Variants in AGMO observed in about 807,000 individuals in gnomAD.
AGMO encodes the protein alkylglycerol monooxygenase.
Under a neutral mutation model 60.2 loss-of-function variants are expected in AGMO, and 75 were observed. The observed-to-expected ratio is 1.25, with a 90% CI of 1.03 to 1.51. The LOEUF (loss-of-function observed/expected upper bound fraction) is 1.51, where lower values mean the gene tolerates loss of function less well. AGMO is among the 40% of genes most tolerant of loss of function. AGMO has a pLI of 0.00. For missense variants in AGMO, 763 were observed against 525.5 expected (o/e 1.45, Z -4.42); for synonymous variants, 261 against 177.1 (o/e 1.47, Z -3.76).
In AGMO at chr7:15,234,250, T is replaced by C. The variant is rs1392307006; in HGVS notation, c.1264-32891A>G. 2.0e-5 allele frequency among the ~76,000 whole-genome samples: 3 copies of C among 152,198 alleles called. No homozygotes were observed. In the East Asian group the frequency reaches 5.8e-4, roughly 29 times the overall value. ...TTCCAAATTGAGGTTCATGATTACC[T>C]TTCTCAAAGGGGACTTAGCTATTTC... On this transcript the variant is annotated intron_variant, in intron 12 of 12. Transcript: ENST00000342526.
At position 15,474,858 on chromosome 7, in the gene AGMO, AC is replaced by A. The variant is rs913461606; in HGVS notation, c.410-43751del. On this transcript the variant is annotated intron_variant, in intron 3 of 12. Coordinates refer to ENST00000342526, the MANE Select transcript of AGMO (RefSeq NM_001004320.2). ...ACTTAGACAAATTTACATAAAAAAA[AC>A]AACCCCATCAACAAGTGGGCGAAGA... Among the ~76,000 whole-genome samples, 9 of 152,180 alleles carry A rather than the reference AC, an allele frequency of 5.9e-5. No individual in the cohort carries two copies. The South Asian group carries it at 8.3e-4, about 14-fold the overall frequency.
chr7:15,286,973 T>C (rs1260853370), intron 12 of AGMO, among the ~76,000 whole-genome samples: 1 of 152,046 alleles, frequency 6.6e-6, no homozygotes, highest in South Asian at 2.1e-4. Context: ...AACTCAGAAA[T>C]GGAAAACCAA....
the AGMO span, among the ~76,000 whole-genome samples, chr7:15,179,138 C>G: frequency 6.6e-6 from 1 of 152,140 alleles, no homozygotes; most frequent in South Asian, 2.1e-4. Context: ...TTCCGAAACT[C>G]ATGTCCTTCT....
intron 10 of AGMO, among the ~76,000 whole-genome samples, chr7:15,374,232 C>CT: frequency 6.6e-6 from 1 of 152,140 alleles, no homozygotes; most frequent in Non-Finnish European, 1.5e-5. Context: ...CTATCTTATT[C>CT]TTTTCCCTAC....
At chr7:15,525,738 G>A (rs907507281) in intron 3 of AGMO, among the ~76,000 whole-genome samples, 7 of 152,086 alleles carry the variant, frequency 4.6e-5, no homozygotes, top group African/African-American at 9.7e-5. Context: ...AAGCAGAGGC[G>A]TAGCTGAGCC....
chr7:15,334,855 G>A (rs1181437874), intron 12 of AGMO, among the ~76,000 whole-genome samples: 1 of 152,096 alleles, frequency 6.6e-6, no homozygotes, highest in African/African-American at 2.4e-5. Context: ...CAATAGTAGA[G>A]CAAAACCTAG....
the AGMO span, among the ~76,000 whole-genome samples, chr7:15,145,579 T>C: frequency 2.0e-5 from 3 of 152,158 alleles, no homozygotes; most frequent in African/African-American, 7.2e-5. Context: ...GTTTTTACTG[T>C]ATTTTTGGTA....
chr7:15,385,664 T>A (rs796545328), intron 9 of AGMO, 102 bp from the exon 10 acceptor site: 97 of 704,806 alleles, frequency 1.4e-4, no homozygotes, highest in East Asian at 5.9e-4. Context: ...CTATTTTTTT[T>A]AAAAAAAGAC....
At chr7:15,147,157 T>A in the AGMO span, among the ~76,000 whole-genome samples, 14 of 152,238 alleles carry the variant, frequency 9.2e-5, no homozygotes, top group African/African-American at 3.4e-4. Flanking sequence ...CAGGACCACA[T>A]GCCAACCTTA....
chr7:15,234,918 A>C (rs1782372443), intron 12 of AGMO, among the ~76,000 whole-genome samples: 2 of 152,112 alleles, frequency 1.3e-5, no homozygotes, highest in Non-Finnish European at 2.9e-5. Context: ...TTACAACATA[A>C]ATTTATAAAG....
At chr7:15,250,970 C>T (rs1028808924) in intron 12 of AGMO, among the ~76,000 whole-genome samples, 5 of 151,560 alleles carry the variant, frequency 3.3e-5, no homozygotes, top group African/African-American at 1.2e-4. Context: ...ATATATATAC[C>T]TGAATGTGTT....
chr7:15,307,423 ATTT>A (rs1204605020), intron 12 of AGMO, among the ~76,000 whole-genome samples: 3 of 152,058 alleles, frequency 2.0e-5, no homozygotes, highest in African/African-American at 7.2e-5. Flanking sequence ...ATAAAACTTT[ATTT>A]AGATGGGCTA....
intron 12 of AGMO, among the ~76,000 whole-genome samples, chr7:15,304,317 C>T (rs761714551): frequency 1.8e-4 from 27 of 152,250 alleles, no homozygotes; most frequent in South Asian, 1.4e-3. Flanking sequence ...TTGAGGTCTT[C>T]TCCACAGAGC....
At chr7:15,118,103 A>T in the AGMO span, among the ~76,000 whole-genome samples, 1 of 151,782 alleles carries the variant, frequency 6.6e-6, no homozygotes, top group East Asian at 1.9e-4. Context: ...AAATATCAAT[A>T]TTATAAAACA....
At chr7:15,380,594 A>C (rs956502896) in intron 10 of AGMO, among the ~76,000 whole-genome samples, 2 of 152,140 alleles carry the variant, frequency 1.3e-5, no homozygotes, top group Non-Finnish European at 2.9e-5. Flanking sequence ...GCTCAAAGCA[A>C]TTTATAGAAT....
chr7:15,225,838 G>C (rs890068178), intron 12 of AGMO, among the ~76,000 whole-genome samples: 1 of 151,944 alleles, frequency 6.6e-6, no homozygotes, highest in African/African-American at 2.4e-5. Context: ...TGATTAATCT[G>C]ATAGATTCAA....
At chr7:15,373,841 G>A (rs986955479) in intron 10 of AGMO, among the ~76,000 whole-genome samples, 1 of 152,048 alleles carries the variant, frequency 6.6e-6, no homozygotes, top group African/African-American at 2.4e-5. Context: ...TCTCTAAAAG[G>A]TGCCTGACAA....
chr7:15,432,458 A>G (rs746163652), intron 3 of AGMO, among the ~76,000 whole-genome samples: 3 of 150,846 alleles, frequency 2.0e-5, no homozygotes, highest in Non-Finnish European at 4.4e-5. Context: ...TTACCAAACA[A>G]AATTGTTAAA....
chr7:15,273,176 G>A (rs182064850), intron 12 of AGMO, among the ~76,000 whole-genome samples: 2 of 152,202 alleles, frequency 1.3e-5, no homozygotes, highest in East Asian at 3.9e-4. Context: ...CATTGCTTTT[G>A]GTGTTTTAGG....
Sources: allele counts gnomAD v4.1 joint callset (sites outside exome capture counted in the v4.1 genomes callset), GRCh38; gene constraint gnomAD v4.1.1; transcripts MANE v1.5; gene names NCBI Gene and HGNC (gene_info 2026-07-23, HGNC 2026-07-21).